The following CAMKMT variants were observed in gnomAD, a reference collection of about 807,000 sequenced individuals.
CAMKMT encodes the protein calmodulin-lysine N-methyltransferase.
In CAMKMT, 53 loss-of-function variants were observed where a neutral mutation model predicts 48.0. The observed-to-expected ratio is 1.10, with a 90% CI of 0.89 to 1.39. CAMKMT has a LOEUF of 1.39. Ranked by LOEUF, CAMKMT falls within the 40% of genes most tolerant of loss-of-function variation. The pLI, the probability that CAMKMT is intolerant of heterozygous loss-of-function variation, is 0.00. For synonymous variants in CAMKMT, 165 were observed against 152.3 expected, an observed-to-expected ratio of 1.08 and a Z score of -0.61; for missense variants, 428 against 402.7, an observed-to-expected ratio of 1.06 and a Z score of -0.54.
At chr2:44,727,990 A>G (rs1391115498) in intron 7 of CAMKMT, among the ~76,000 whole-genome samples, 1 of 152,172 alleles carries the variant, frequency 6.6e-6, no homozygotes, top group African/African-American at 2.4e-5. Context: ...TGGTGTGACC[A>G]TGGCTCACAG....
intron 3 of CAMKMT, among the ~76,000 whole-genome samples, chr2:44,660,922 T>A (rs1674645058): frequency 6.6e-6 from 1 of 152,238 alleles, no homozygotes; most frequent in African/African-American, 2.4e-5. Flanking sequence ...GTACTAGCAA[T>A]ATATGGCATC....
intron 3 of CAMKMT, chr2:44,631,677 T>C (rs1414738713): frequency 9.8e-6 from 4 of 409,372 alleles, no homozygotes; most frequent in African/African-American, 2.1e-5. Context: ...TTCTTTTTAA[T>C]TGTACTGTTT....
chr2:44,581,380 A>G (rs1275734663), intron 3 of CAMKMT, among the ~76,000 whole-genome samples: 8 of 152,216 alleles, frequency 5.3e-5, no homozygotes, highest in Non-Finnish European at 8.8e-5. Flanking sequence ...GTCAATGAGC[A>G]GTAGAGCTTG....
intron 3 of CAMKMT, among the ~76,000 whole-genome samples, chr2:44,582,978 C>T (rs996103926): frequency 2.0e-5 from 3 of 152,094 alleles, no homozygotes; most frequent in African/African-American, 7.2e-5. Context: ...AGTATTTCAA[C>T]AAAAATGATG....
chr2:44,576,125 G>C (rs149814799), intron 3 of CAMKMT, among the ~76,000 whole-genome samples: 1,727 of 152,066 alleles, frequency 0.011, 34 homozygotes, highest in African/African-American at 0.037. Context: ...TCAGGAGTTC[G>C]AGACCAGCCT....
At chr2:44,575,458 G>A (rs1212867322) in intron 3 of CAMKMT, among the ~76,000 whole-genome samples, 2 of 152,096 alleles carry the variant, frequency 1.3e-5, no homozygotes, top group East Asian at 3.9e-4. Context: ...GCCCATTGTT[G>A]TTATTCTTAT....
chr2:44,488,984 C>T (rs1669351450), intron 3 of CAMKMT, among the ~76,000 whole-genome samples: 1 of 151,782 alleles, frequency 6.6e-6, no homozygotes, highest in East Asian at 1.9e-4. Flanking sequence ...TCCTGTCCCC[C>T]CGTCCTGAGG....
intron 1 of CAMKMT, among the ~76,000 whole-genome samples, chr2:44,372,357 T>C (rs1283056114): frequency 6.6e-6 from 1 of 151,878 alleles, no homozygotes; most frequent in African/African-American, 2.4e-5. Context: ...TGGTGGTGCA[T>C]ACTTTTAGTT....
rs76750596 is a variant in CAMKMT at position 44,665,761 on chromosome 2, G to T, written c.377-38522G>T. On this transcript the variant is annotated intron_variant, in intron 3 of 10. Transcript: ENST00000378494. Reference sequence around the variant, plus strand: ...TTTATATTCCCTGTAAGTGTTTGTTGAATGAGTGAATGAATTAGTCAAGGA... The same window carrying T: ...TTTATATTCCCTGTAAGTGTTTGTTTAATGAGTGAATGAATTAGTCAAGGA... Among the ~76,000 whole-genome samples, 687 of 152,282 alleles carry T rather than the reference G, an allele frequency of 4.5e-3. 8 individuals are homozygous for T. The highest frequency in any genetic ancestry group is 0.016 in the African/African-American group (646 of 41,546).
chr2:44,493,438 C>G (rs1392006622), intron 3 of CAMKMT, among the ~76,000 whole-genome samples: 1 of 152,198 alleles, frequency 6.6e-6, no homozygotes, highest in African/African-American at 2.4e-5. Context: ...TTCTCTGTCT[C>G]TCTCAAGTCT....
intron 7 of CAMKMT, among the ~76,000 whole-genome samples, chr2:44,733,224 A>G (rs1296158349): frequency 6.6e-6 from 1 of 152,158 alleles, no homozygotes; most frequent in East Asian, 1.9e-4. Flanking sequence ...AATTTCTCTC[A>G]TCCATTGTCA....
chr2:44,418,491 T>G (rs1387371001), intron 3 of CAMKMT, among the ~76,000 whole-genome samples: 1 of 152,202 alleles, frequency 6.6e-6, no homozygotes, highest in Non-Finnish European at 1.5e-5. Context: ...TATCATTGAT[T>G]GAAAACACTG....
intron 3 of CAMKMT, among the ~76,000 whole-genome samples, chr2:44,497,741 G>A (rs904947571): frequency 6.6e-6 from 1 of 150,990 alleles, no homozygotes; most frequent in African/African-American, 2.4e-5. Context: ...GAGAGAGAGA[G>A]AGGGATAGTA....
intron 3 of CAMKMT, among the ~76,000 whole-genome samples, chr2:44,498,762 A>G (rs932290014): frequency 1.3e-5 from 2 of 152,186 alleles, no homozygotes; most frequent in Admixed American, 6.5e-5. Context: ...CTGAATGAAA[A>G]CAGTGCTTGT....
intron 3 of CAMKMT, among the ~76,000 whole-genome samples, chr2:44,701,087 T>C (rs932918895): frequency 5.9e-5 from 9 of 152,214 alleles, no homozygotes; most frequent in African/African-American, 1.9e-4. Context: ...CTAAGAACAA[T>C]GCTGCTATGA....
At chr2:44,428,905 G>A (rs1684456082) in intron 3 of CAMKMT, among the ~76,000 whole-genome samples, 1 of 152,148 alleles carries the variant, frequency 6.6e-6, no homozygotes, top group African/African-American at 2.4e-5. Context: ...AATGTGCTCT[G>A]CTTGTTGGAG....
chr2:44,752,773 G>A (rs536639379), intron 8 of CAMKMT, among the ~76,000 whole-genome samples: 2 of 152,150 alleles, frequency 1.3e-5, no homozygotes, highest in East Asian at 1.9e-4. Context: ...AGAAGAACAC[G>A]TGTCCTCACA....
chr2:44,409,546 G>A (rs1403296023), intron 3 of CAMKMT, among the ~76,000 whole-genome samples: 1 of 151,870 alleles, frequency 6.6e-6, no homozygotes, highest in African/African-American at 2.4e-5. Context: ...TACTTCTTTG[G>A]CCTCAAAGCA....
In CAMKMT at chr2:44,555,970, G is replaced by C. The variant is rs192236809; in HGVS notation, c.377-148313G>C. Among the ~76,000 whole-genome samples, 208 of 152,208 alleles carry C rather than the reference G, an allele frequency of 1.4e-3. 2 individuals carry two copies. Among genetic ancestry groups the C allele is most frequent in the African/African-American group, 4.7e-3 (195 of 41,528 alleles). ...GCAGCCAGATTGCAGTGGGCTAAGGGGTGAGTGAATGGGAGGAGCAGAAGT... is the reference window on the plus strand; with the variant it reads ...GCAGCCAGATTGCAGTGGGCTAAGGCGTGAGTGAATGGGAGGAGCAGAAGT... On this transcript the variant is annotated intron_variant, in intron 3 of 10. Coordinates refer to ENST00000378494, the MANE Select transcript of CAMKMT (RefSeq NM_024766.5).
Sources: allele counts gnomAD v4.1 joint callset (sites outside exome capture counted in the v4.1 genomes callset), GRCh38; gene constraint gnomAD v4.1.1; transcripts MANE v1.5; gene names NCBI Gene and HGNC (gene_info 2026-07-23, HGNC 2026-07-21).